The following NAV3 variants were observed in gnomAD, a reference collection of about 807,000 sequenced individuals.
The protein encoded by NAV3 is pore membrane and/or filament interacting like protein 1.
Under a neutral mutation model 244.7 loss-of-function variants are expected in NAV3, and 87 were observed. The observed-to-expected ratio is 0.36, with a 90% CI of 0.30 to 0.42. The LOEUF is 0.42. NAV3 is among the 20% of genes least tolerant of loss of function. NAV3 has a pLI of 1.00. For synonymous variants in NAV3, 1,126 were observed against 1,042.2 expected (o/e 1.08, Z -1.55); for missense variants, 2,663 against 2,893.3 (o/e 0.92, Z 1.83).
chr12:78,075,441 A>G (rs192713188), intron 12 of NAV3, among the ~76,000 whole-genome samples: 15 of 152,306 alleles, frequency 9.8e-5, no homozygotes, highest in Admixed American at 9.1e-4. Flanking sequence ...TATTGTTTGT[A>G]TAACTGAGAA....
intron 27 of NAV3, 73 bp downstream of exon 27, chr12:78,177,386 C>A: frequency 2.0e-6 from 3 of 1,487,822 alleles, no homozygotes; most frequent in Middle Eastern, 3.6e-4. Flanking sequence ...TATTTATGTT[C>A]TAACCATATC....
chr12:77,747,044 C>T (rs1565796408), intron 2 of NAV3, among the ~76,000 whole-genome samples: 1 of 152,106 alleles, frequency 6.6e-6, no homozygotes, highest in Non-Finnish European at 1.5e-5. Flanking sequence ...TTGATATGGA[C>T]TCTTTTTCTT....
At chr12:78,128,132 T>C (rs1956001369) in intron 17 of NAV3, among the ~76,000 whole-genome samples, 1 of 152,064 alleles carries the variant, frequency 6.6e-6, no homozygotes. Flanking sequence ...CAATAGCAAA[T>C]AGCTGGCAAT....
chr12:78,026,241 C>A (rs562469614), intron 9 of NAV3, among the ~76,000 whole-genome samples: 2 of 152,166 alleles, frequency 1.3e-5, no homozygotes, highest in South Asian at 4.1e-4. Flanking sequence ...CTCCCCGGAA[C>A]TCTGGACTCA....
intron 3 of NAV3, among the ~76,000 whole-genome samples, chr12:77,958,744 T>C (rs1340868843): frequency 6.6e-6 from 1 of 152,084 alleles, no homozygotes; most frequent in Non-Finnish European, 1.5e-5. Flanking sequence ...ATGCTTAAAT[T>C]TAACATGAAA....
chr12:77,843,760 G>A (rs1406121277), intron 1 of NAV3, among the ~76,000 whole-genome samples: 1 of 151,686 alleles, frequency 6.6e-6, no homozygotes, highest in Non-Finnish European at 1.5e-5. Flanking sequence ...TCCAGACAAT[G>A]CCAATGCCAA....
chr12:77,720,355 G>A (rs561165051), intron 2 of NAV3, among the ~76,000 whole-genome samples: 1 of 152,282 alleles, frequency 6.6e-6, no homozygotes, highest in South Asian at 2.1e-4. Flanking sequence ...GATTCTGGGG[G>A]CCACTCAAGC....
At chr12:77,846,011 C>T (rs1342172216) in intron 1 of NAV3, among the ~76,000 whole-genome samples, 1 of 152,092 alleles carries the variant, frequency 6.6e-6, no homozygotes, top group Non-Finnish European at 1.5e-5. Context: ...CAATGCAGTG[C>T]ACTCCAAAAA....
chr12:77,830,054 A>G (rs1040266417), upstream of NAV3, among the ~76,000 whole-genome samples: 13 of 152,190 alleles, frequency 8.5e-5, no homozygotes, highest in Non-Finnish European at 1.5e-4. Flanking sequence ...TTTCAGAACA[A>G]TAATGCATGG....
At chr12:78,162,920 A>T (rs1167847251) in intron 23 of NAV3, among the ~76,000 whole-genome samples, 49 of 129,814 alleles carry the variant, frequency 3.8e-4, no homozygotes, top group East Asian at 1.0e-3. Context: ...ATATTATATA[A>T]TATATATATA....
chr12:78,103,014 A>T (rs886597534), intron 12 of NAV3, among the ~76,000 whole-genome samples: 3 of 152,196 alleles, frequency 2.0e-5, no homozygotes, highest in African/African-American at 7.2e-5. Flanking sequence ...TTGGGGATTA[A>T]CACTGGCTCC....
At chr12:77,609,083 T>C (rs1414308235) in intron 2 of NAV3, among the ~76,000 whole-genome samples, 1 of 152,110 alleles carries the variant, frequency 6.6e-6, no homozygotes, top group Admixed American at 6.6e-5. Flanking sequence ...TTTGGAAACA[T>C]TGCTTTATCT....
intron 9 of NAV3, among the ~76,000 whole-genome samples, chr12:78,046,313 T>G (rs1299150003): frequency 5.3e-5 from 8 of 152,200 alleles, no homozygotes. Flanking sequence ...TTCTTTTAAT[T>G]GTGATGTTAA....
chr12:77,814,073 G>A (rs1872424167), intron 2 of NAV3, among the ~76,000 whole-genome samples: 1 of 152,030 alleles, frequency 6.6e-6, no homozygotes, highest in South Asian at 2.1e-4. Context: ...TCTGGGGTGC[G>A]GAGCCCAGCA....
chr12:77,904,230 A>T (rs921944349), intron 1 of NAV3, among the ~76,000 whole-genome samples: 1 of 152,254 alleles, frequency 6.6e-6, no homozygotes, highest in African/African-American at 2.4e-5. Flanking sequence ...AATAGCACAG[A>T]CTTGGAACCA....
At chr12:77,960,824 G>A (rs1593123381) in intron 3 of NAV3, among the ~76,000 whole-genome samples, 1 of 146,204 alleles carries the variant, frequency 6.8e-6, no homozygotes, top group Admixed American at 6.9e-5. Flanking sequence ...ATGCATACAT[G>A]TATGGTATGT....
At chr12:77,687,169 A>C (rs1293909279) in intron 2 of NAV3, among the ~76,000 whole-genome samples, 1 of 152,110 alleles carries the variant, frequency 6.6e-6, no homozygotes, top group African/African-American at 2.4e-5. Flanking sequence ...CTTTTATACT[A>C]TCAGCCCGGA....
At chr12:78,175,548 C>T (rs1397728885) in intron 25 of NAV3, 121 bp downstream of exon 25, 15 of 1,266,754 alleles carry the variant, frequency 1.2e-5, no homozygotes, top group South Asian at 1.1e-4. Context: ...GCTACTGAGA[C>T]CTCAAATGCT....
At chr12:77,942,178 G>A (rs1307911158) in intron 3 of NAV3, among the ~76,000 whole-genome samples, 2 of 152,132 alleles carry the variant, frequency 1.3e-5, no homozygotes, top group African/African-American at 2.4e-5. Flanking sequence ...TTCGAGACCA[G>A]CCTGACCAAC....
Sources: gnomAD v4.1 joint callset for allele counts (sites outside exome capture counted in the v4.1 genomes callset) on GRCh38, gnomAD v4.1.1 for gene constraint, MANE v1.5 for transcripts, NCBI Gene and HGNC (gene_info 2026-07-23, HGNC 2026-07-21) for gene names.